CHEK1: variants seen among roughly 807,000 people sequenced by gnomAD.
CHEK1 encodes serine/threonine-protein kinase Chk1.
In CHEK1, 32 loss-of-function variants were observed where a neutral mutation model predicts 60.2. The ratio of observed to expected loss-of-function variants is 0.53; its 90% CI spans 0.40 to 0.71. CHEK1 has a LOEUF of 0.71. Ranked by LOEUF, CHEK1 falls within the 30% of genes least tolerant of loss-of-function variation. CHEK1 has a pLI of 0.00. For missense variants in CHEK1, 399 were observed against 564.6 expected (o/e 0.71, Z 2.97); for synonymous variants, 179 against 187.2 (o/e 0.96, Z 0.36).
chr11:125,653,762 C>CAATTACTA lies in CHEK1; in HGVS notation c.1250_1251insAATTACTA (p.Asp418IlefsTer14). 2 of 1,582,478 alleles carry CAATTACTA rather than the reference C, an allele frequency of 1.3e-6. No individual in the cohort carries two copies. The highest frequency in any genetic ancestry group is 1.7e-6 in the Non-Finnish European group (2 of 1,158,098). ...TTGCCTTAGGTTACTATATCAACAA[C>CAATTACTA]TGATAGGAGAAACAATAAACTCATT... On this transcript the variant is annotated frameshift_variant, in exon 12 of 13. Transcript: ENST00000438015. LOFTEE classifies it high-confidence loss of function. This position sits in a 1 kb window ranked among gnomAD's most constrained non-coding sequence, Gnocchi z 4.3.
At chr11:125,641,677 A>G (rs76978286) in intron 8 of CHEK1, among the ~76,000 whole-genome samples, 10,553 of 152,236 alleles carry the variant, frequency 0.069, 403 homozygotes, top group Middle Eastern at 0.1. Context: ...TATTATGCAG[A>G]TCAGAAACTT....
At position 125,643,893 on chromosome 11, in the gene CHEK1, G is replaced by T. The variant is rs1399624091; in HGVS notation, c.916G>T (p.Ala306Ser). The T allele has an allele frequency of 1.9e-6, 3 of 1,612,814 alleles. No homozygotes were observed. Among genetic ancestry groups the T allele is most frequent in the Non-Finnish European group, 2.5e-6 (3 of 1,178,978 alleles). Reference sequence around the variant, plus strand: ...TTTGGACTTCTCTCCAGTAAACAGTGCTTCTAGGTAAGACTGATAAAGATT... The same window carrying T: ...TTTGGACTTCTCTCCAGTAAACAGTTCTTCTAGGTAAGACTGATAAAGATT... ...SNLDFSPVNS[A>S]SSEENVKYSS... Residue 306 changes from alanine (A) to serine (S), a missense_variant, in exon 9 of 13, where the codon GCT becomes TCT. Coordinates refer to ENST00000438015, the MANE Select transcript of CHEK1 (RefSeq NM_001114122.3).
chr11:125,671,266 T>C (rs934103483), intron 13 of CHEK1, among the ~76,000 whole-genome samples: 1 of 152,120 alleles, frequency 6.6e-6, no homozygotes, highest in Non-Finnish European at 1.5e-5. Flanking sequence ...ATTATTTATC[T>C]TCTCCCTTCA....
chr11:125,644,662 C>T lies in CHEK1; in HGVS notation c.1233+19C>T, dbSNP rs1303659115. On this transcript the variant is annotated intron_variant, in intron 11 of 12. Transcript: ENST00000438015. ...GAATCAGGTGTGTTTCATTGATTTT[C>T]ATTATACCTTTTCCTGAAGAAGAAT... 1 of 1,606,374 alleles carries T rather than the reference C, an allele frequency of 6.2e-7. No individual in the cohort carries two copies. The highest frequency in any genetic ancestry group is 2.2e-5 in the East Asian group (1 of 44,762).
chr11:125,633,102 G>A (rs1192105533), intron 5 of CHEK1, 61 bp from the exon 6 acceptor site: 3 of 1,435,946 alleles, frequency 2.1e-6, no homozygotes, highest in East Asian at 2.6e-5. Context: ...CTTAATTCCT[G>A]TAAGTATATC....
At chr11:125,631,697 TA>T (rs1038869452) in intron 5 of CHEK1, among the ~76,000 whole-genome samples, 280 of 145,298 alleles carry the variant, frequency 1.9e-3, no homozygotes, top group African/African-American at 6.2e-3. Context: ...TATGAAAAAT[TA>T]AAAAAAAAAA....
At position 125,653,845 on chromosome 11, in the gene CHEK1, A is replaced by G. The variant is rs751724890; in HGVS notation, c.1333A>G (p.Lys445Glu). The G allele has an allele frequency of 2.6e-6, 4 of 1,513,786 alleles. No individual in the cohort carries two copies. The highest frequency in any genetic ancestry group is 1.8e-6 in the Non-Finnish European group (2 of 1,101,450). 93.8% of individuals were successfully genotyped at this position (1,513,786 alleles called of 1,614,324 possible). ...AATATTGGTTGACTTCCGGCTTTCT[A>G]AGGTATTTTTATGTTTTATTGTATT... ...DKILVDFRLS[K>E]GDGLEFKRHF... Residue 445 changes from lysine to glutamate, a missense_variant and splice_region_variant, in exon 12 of 13, where the codon AAG (lysine) becomes GAG (glutamate). This residue lies in a region of CHEK1 where 29 missense variants were observed against 69.8 expected (regional missense o/e 0.42). Transcript: ENST00000438015. This position sits in a 1 kb window ranked among gnomAD's most constrained non-coding sequence, Gnocchi z 4.3.
chr11:125,651,054 T>TA (rs1230629750), intron 11 of CHEK1, among the ~76,000 whole-genome samples: 1 of 152,092 alleles, frequency 6.6e-6, no homozygotes, highest in Non-Finnish European at 1.5e-5. Context: ...TGTGTCTTTT[T>TA]AGATTCCCAG....
intron 8 of CHEK1, among the ~76,000 whole-genome samples, chr11:125,640,569 T>A (rs1480260148): frequency 2.0e-5 from 3 of 151,738 alleles, no homozygotes; most frequent in Non-Finnish European, 4.4e-5. Context: ...TTCATGGGTT[T>A]TATTTATTTA....
In CHEK1 at chr11:125,653,741, C is replaced by G. The variant is rs777988437; in HGVS notation, c.1234-5C>G. On this transcript the variant is annotated splice_polypyrimidine_tract_variant and splice_region_variant and intron_variant, in intron 11 of 12. Transcript: ENST00000438015. The surrounding 1 kb of genome is among the most constrained non-coding windows in gnomAD (Gnocchi z 4.3). ...TGTGGCTTAACCTTATTTTTGTTGC[C>G]TTAGGTTACTATATCAACAACTGAT... is the stretch of plus-strand genomic sequence containing the variant. The G allele has an allele frequency of 1.4e-5, 21 of 1,503,336 alleles. No individual in the cohort carries two copies. The South Asian group carries it at 2.5e-4, about 18-fold the overall frequency. 93.1% of individuals were successfully genotyped at this position (1,503,336 alleles called of 1,614,324 possible).
In CHEK1 at chr11:125,656,396, T is replaced by C. The variant is rs1057412025; in HGVS notation, c.*1076T>C. On this transcript the variant is annotated 3_prime_UTR_variant, in exon 13 of 13. Transcript: ENST00000438015. ...GTAAAACATTATAAAATTAATCAGT[T>C]ATTTTAATCTGAAGCCAAGAACATG... The C allele has an allele frequency of 1.9e-5, 4 of 207,796 alleles. No individual in the cohort carries two copies. The highest frequency in any genetic ancestry group is 3.9e-5 in the Non-Finnish European group (4 of 101,964). 12.9% of individuals were successfully genotyped at this position (207,796 alleles called of 1,614,324 possible). A position where few individuals can be genotyped will look rare whatever the true frequency, so the allele number is the denominator to read the frequency against.
At chr11:125,646,566 C>A (rs1332406826) in intron 11 of CHEK1, among the ~76,000 whole-genome samples, 2 of 152,124 alleles carry the variant, frequency 1.3e-5, no homozygotes, top group Non-Finnish European at 2.9e-5. Flanking sequence ...TTCCAAAGCA[C>A]CTGTACCATT....
At chr11:125,675,442 C>T (rs988256604) in intron 13 of CHEK1, among the ~76,000 whole-genome samples, 1 of 151,956 alleles carries the variant, frequency 6.6e-6, no homozygotes, top group South Asian at 2.1e-4. Flanking sequence ...TAATGTTTTC[C>T]GAGTGATGGT....
At chr11:125,645,238 A>G (rs959224760) in intron 11 of CHEK1, among the ~76,000 whole-genome samples, 3 of 152,142 alleles carry the variant, frequency 2.0e-5, no homozygotes, top group African/African-American at 7.2e-5. Flanking sequence ...TGTAAAAACT[A>G]TGTATACTTA....
chr11:125,681,063 T>A (rs369664608), downstream of CHEK1: 83 of 168,572 alleles, frequency 4.9e-4, no homozygotes, highest in East Asian at 1.6e-3. This position sits in a 1 kb window ranked among gnomAD's most constrained non-coding sequence, Gnocchi z 4.2. Flanking sequence ...GCCCTATCTT[T>A]AAAAAAAAAA....
At chr11:125,678,181 CA>C, downstream of CHEK1, 1 of 1,614,196 alleles carries the variant, frequency 6.2e-7, no homozygotes, top group Non-Finnish European at 8.5e-7. Flanking sequence ...GAAGAAGTCT[CA>C]TATAAAGCCT....
chr11:125,668,867 T>C (rs1942146508), intron 13 of CHEK1, among the ~76,000 whole-genome samples: 1 of 152,188 alleles, frequency 6.6e-6, no homozygotes, highest in African/African-American at 2.4e-5. Flanking sequence ...TTCATTTTAT[T>C]TATTAGCTTT....
chr11:125,648,668 ATTC>A (rs1446560719), intron 11 of CHEK1, among the ~76,000 whole-genome samples: 98 of 147,672 alleles, frequency 6.6e-4, no homozygotes, highest in African/African-American at 5.0e-4. Flanking sequence ...ATGCCTTTTA[ATTC>A]TTTTTGTTTA....
rs1352062966 is a variant in CHEK1, at chr11:125,676,205, G to T, written c.*305G>T. The T allele has an allele frequency of 6.9e-6, 7 of 1,016,900 alleles. No homozygotes were observed. The South Asian group carries it at 8.5e-5, about 12-fold the overall frequency. 63.0% of individuals were successfully genotyped at this position (1,016,900 alleles called of 1,614,324 possible). On this transcript the variant is annotated 3_prime_UTR_variant, in exon 14 of 14. Transcript: ENST00000428830. ...TTTTAGGTGTGAGCCACCTCGCCTG[G>T]CAAGGGATTCTGTTCTTAGTCCTTG...
Sources: allele counts gnomAD v4.1 joint callset (sites outside exome capture counted in the v4.1 genomes callset), GRCh38; gene constraint gnomAD v4.1.1; regional missense constraint gnomAD v4.1.1; non-coding constraint Gnocchi (gnomAD v3.1); transcripts MANE v1.5; gene names NCBI Gene and HGNC (gene_info 2026-07-23, HGNC 2026-07-21).